NMRK1: variants seen among roughly 807,000 people sequenced by gnomAD.
The protein encoded by NMRK1 is nicotinamide riboside kinase 1, also known as NRK 1.
A neutral mutation model predicts 29.9 loss-of-function variants in NMRK1; 28 were observed. That is an observed-to-expected ratio of 0.94 (90% CI 0.69 to 1.28). The LOEUF is 1.28. NMRK1 is among the 50% of genes most tolerant of loss of function. NMRK1 has a pLI of 0.00. For missense variants in NMRK1, 218 were observed against 233.1 expected (o/e 0.94, Z 0.42); for synonymous variants, 58 against 73.0 (o/e 0.79, Z 1.05).
At position 75,069,932 on chromosome 9, in the gene NMRK1, T is replaced by C. The variant is rs1823600539; in HGVS notation, c.280A>G (p.Ile94Val). The C allele has an allele frequency of 6.2e-7, 1 of 1,613,876 alleles. No homozygotes were observed. The highest frequency in any genetic ancestry group is 1.1e-5 in the South Asian group (1 of 91,054). The part of the protein sequence containing the change: ...TDQESAEEIP[I>V]LIIEGFLLFN... ...AGAAGAAAACCTTCGATGATTAAAA[T>C]GGGAATTTCCTCAGCACTTTCCTGG... is the stretch of plus-strand genomic sequence containing the variant. The change falls in exon 5 of 9, where the codon ATT becomes GTT. Residue 94 changes from isoleucine (I) to valine (V), a missense_variant. Transcript: ENST00000361092.
intron 8 of NMRK1, 147 bp downstream of exon 8, chr9:75,066,610 T>G (rs1823366455): frequency 6.0e-6 from 4 of 670,834 alleles, no homozygotes; most frequent in Non-Finnish European, 1.1e-5. Context: ...CCCCAGAATT[T>G]CTGATTCTGA....
rs561451161 is a variant in NMRK1 at position 75,070,654 on chromosome 9, T to A, written c.170-612A>T. ...TTAAACCAGTAGTATTAGCATCACC[T>A]GGGAACTTGTCAGAAATGCAAATTC... On this transcript the variant is annotated intron_variant, in intron 4 of 8. Transcript: ENST00000361092. Among the ~76,000 whole-genome samples the A allele has an allele frequency of 1.2e-4, 19 of 152,336 alleles. No homozygotes were observed. The East Asian group carries it at 3.5e-3, about 28-fold the overall frequency.
rs768604528 is a variant in NMRK1 at position 75,083,100 on chromosome 9, T to A, written c.16A>T (p.Ile6Phe). ...AAAATTACTCACCCACTGATTCCAA[T>A]GATAAATGTTTTCATAATTAGCTTT... MKTFI[I>F]GISGVTNSGK... Residue 6 changes from isoleucine to phenylalanine, a missense_variant, in exon 2 of 9, where the codon ATT becomes TTT. Ile to Phe is a conservative substitution (Grantham distance 21). Coordinates refer to ENST00000361092, the MANE Select transcript of NMRK1 (RefSeq NM_017881.3). The A allele has an allele frequency of 6.3e-7, 1 of 1,599,166 alleles. No homozygotes were observed. The highest frequency in any genetic ancestry group is 1.7e-5 in the Admixed American group (1 of 59,990).
intron 2 of NMRK1, among the ~76,000 whole-genome samples, chr9:75,080,679 G>C (rs946910750): frequency 7.2e-5 from 11 of 152,138 alleles, no homozygotes; most frequent in African/African-American, 2.7e-4. Context: ...AGCTGGAGGT[G>C]GGGCCTGCTG....
intron 2 of NMRK1, among the ~76,000 whole-genome samples, chr9:75,080,496 A>G (rs1164357719): frequency 6.6e-6 from 1 of 152,192 alleles, no homozygotes; most frequent in Non-Finnish European, 1.5e-5. Context: ...TATTAAAAAT[A>G]CAAAAATTAG....
chr9:75,061,601 A>G, intron 8 of NMRK1, 34 bp from the exon 9 acceptor site: 1 of 1,525,004 alleles, frequency 6.6e-7, no homozygotes, highest in South Asian at 1.1e-5. Flanking sequence ...ATTAATGGAG[A>G]ATTCCAATTC....
At position 75,083,170 on chromosome 9, in the gene NMRK1, CA is replaced by C. The variant is rs1345447681; in HGVS notation, c.-35-21del. On this transcript the variant is annotated intron_variant, in intron 1 of 8. Transcript: ENST00000361092. ...TATTTCCTAAAAGTAAAAAAACAAA[CA>C]AACAAATCAAATGCATTTCATTTAG... 1.6e-6 allele frequency: 2 copies of C among 1,240,968 alleles called. No individual in the cohort carries two copies. The highest frequency in any genetic ancestry group is 2.4e-6 in the Non-Finnish European group (2 of 842,798). 76.9% of individuals were successfully genotyped at this position (1,240,968 alleles called of 1,614,324 possible). A position where few individuals can be genotyped will look rare whatever the true frequency, so the allele number is the denominator to read the frequency against.
At chr9:75,067,430 T>C (rs995993414) in intron 7 of NMRK1, among the ~76,000 whole-genome samples, 16 of 152,230 alleles carry the variant, frequency 1.1e-4, no homozygotes, top group Middle Eastern at 3.4e-3. Context: ...AGAAGTTGTC[T>C]AGGTTAAAGG....
chr9:75,081,876 G>A (rs1824343108), intron 2 of NMRK1, among the ~76,000 whole-genome samples: 1 of 152,146 alleles, frequency 6.6e-6, no homozygotes, highest in Non-Finnish European at 1.5e-5. Flanking sequence ...CAAGTCACAG[G>A]GCTCCTAGTA....
chr9:75,078,443 G>A lies in NMRK1; in HGVS notation c.30-863C>T, dbSNP rs1432549790. The A allele has an allele frequency of 9.8e-6, 15 of 1,524,116 alleles. No individual in the cohort carries two copies. In the East Asian group the frequency reaches 1.5e-4, roughly 15 times the overall value. 94.4% of individuals were successfully genotyped at this position (1,524,116 alleles called of 1,614,324 possible). On this transcript the variant is annotated intron_variant, in intron 2 of 8. Coordinates refer to ENST00000361092, the MANE Select transcript of NMRK1 (RefSeq NM_017881.3). ...GGCCAGTTATTTGTCTCTTCTGACCGGACTGTGAAGTCCAGGAGAAGGGGC... is the reference window on the plus strand; with the variant it reads ...GGCCAGTTATTTGTCTCTTCTGACCAGACTGTGAAGTCCAGGAGAAGGGGC...
chr9:75,076,654 G>A (rs1178162397), intron 4 of NMRK1, among the ~76,000 whole-genome samples: 1 of 152,046 alleles, frequency 6.6e-6, no homozygotes, highest in African/African-American at 2.4e-5. Flanking sequence ...ACAGTGGTGC[G>A]ATCTCGGTTC....
Position 75,061,511 on chromosome 9 carries a change from C to G in NMRK1, c.*37G>C. 1.3e-6 allele frequency: 2 copies of G among 1,572,480 alleles called. No homozygotes were observed. The highest frequency in any genetic ancestry group is 1.7e-6 in the Non-Finnish European group (2 of 1,145,922). Reference sequence around the variant, plus strand: ...TTCTTAAATTACTCCTTGGAGTTTCCTAATTCACTTCAGGAAGGATTTGTT... The same window carrying G: ...TTCTTAAATTACTCCTTGGAGTTTCGTAATTCACTTCAGGAAGGATTTGTT... On this transcript the variant is annotated 3_prime_UTR_variant, in exon 9 of 9. Transcript: ENST00000361092.
At position 75,077,480 on chromosome 9, in the gene NMRK1, T is replaced by G. The variant is rs1343097151; in HGVS notation, c.120+10A>C. On this transcript the variant is annotated intron_variant, in intron 3 of 8. Coordinates refer to ENST00000361092, the MANE Select transcript of NMRK1 (RefSeq NM_017881.3). ...TATTAAATAAATAATTTAAGAAGTT[T>G]TATAGATACCTTGAAGAAATCATCC... 3 of 1,559,574 alleles carry G rather than the reference T, an allele frequency of 1.9e-6. No individual in the cohort carries two copies. Among genetic ancestry groups the G allele is most frequent in the Non-Finnish European group, 2.6e-6 (3 of 1,132,346 alleles).
chr9:75,076,990 TACA>T (rs1824027179), intron 4 of NMRK1, among the ~76,000 whole-genome samples, 166 bp downstream of exon 4: 1 of 152,206 alleles, frequency 6.6e-6, no homozygotes, highest in Non-Finnish European at 1.5e-5. Context: ...AGGCTTAAAG[TACA>T]ACAATATATT....
chr9:75,073,465 C>T (rs374564642), intron 4 of NMRK1, among the ~76,000 whole-genome samples: 3 of 152,180 alleles, frequency 2.0e-5, no homozygotes, highest in East Asian at 1.9e-4. Flanking sequence ...ATCAGCTAGG[C>T]GTGGTGGCTC....
Position 75,069,927 on chromosome 9 carries a change from T to G in NMRK1, c.285A>C (p.Leu95Phe), listed in dbSNP as rs754110005. The G allele has an allele frequency of 1.2e-5, 20 of 1,614,012 alleles. No homozygotes were observed. In the Admixed American group the frequency reaches 3.3e-4, roughly 27 times the overall value. Residue 95 changes from leucine (L) to phenylalanine (F), a missense_variant, in exon 5 of 9, where the codon TTA becomes TTC. By Grantham distance (22) the Leu-to-Phe change is conservative. Transcript: ENST00000361092. ...TAAAAAGAAGAAAACCTTCGATGAT[T>G]AAAATGGGAATTTCCTCAGCACTTT... ...DQESAEEIPILIIEGFLLFNY... is the reference protein window; with the variant it reads ...DQESAEEIPIFIIEGFLLFNY...
intron 8 of NMRK1, among the ~76,000 whole-genome samples, chr9:75,064,683 A>G (rs189657893): frequency 5.4e-4 from 82 of 152,344 alleles, no homozygotes; most frequent in South Asian, 1.0e-3. Flanking sequence ...AGTTGGGCTC[A>G]GTCTCCTAGT....
Position 75,076,790 on chromosome 9 carries a change from C to T in NMRK1, c.169+369G>A, listed in dbSNP as rs150585524. Among the ~76,000 whole-genome samples, 3 of 152,096 alleles carry T rather than the reference C, an allele frequency of 2.0e-5. No individual in the cohort carries two copies. The East Asian group carries it at 5.8e-4, about 29-fold the overall frequency. On this transcript the variant is annotated intron_variant, in intron 4 of 8. Coordinates refer to ENST00000361092, the MANE Select transcript of NMRK1 (RefSeq NM_017881.3). ...TTTTTTTGGGTAGAGATGGAATCTCCCTATGTTGCTCAGGCTGGTCTGAAA... is the reference window on the plus strand; with the variant it reads ...TTTTTTTGGGTAGAGATGGAATCTCTCTATGTTGCTCAGGCTGGTCTGAAA...
chr9:75,075,340 G>T (rs1001740604), intron 4 of NMRK1, among the ~76,000 whole-genome samples: 6 of 92,758 alleles, frequency 6.5e-5, no homozygotes, highest in Non-Finnish European at 1.3e-4. Context: ...ACCTCTGGAC[G>T]AGAGGAAGAG....
Sources: gnomAD v4.1 joint callset for allele counts (sites outside exome capture counted in the v4.1 genomes callset) on GRCh38, gnomAD v4.1.1 for gene constraint, MANE v1.5 for transcripts, NCBI Gene and HGNC (gene_info 2026-07-23, HGNC 2026-07-21) for gene names.